The following CATSPER3 variants were observed in gnomAD, a reference collection of about 807,000 sequenced individuals.
CATSPER3 encodes cation channel sperm associated 3.
In CATSPER3, 23 loss-of-function variants were observed where a neutral mutation model predicts 36.6. The ratio of observed to expected loss-of-function variants is 0.63; its 90% CI spans 0.45 to 0.89. The LOEUF (loss-of-function observed/expected upper bound fraction) is 0.89. Among genes scored for constraint, CATSPER3 ranks in the 40% least tolerant of loss-of-function variants. The pLI is 0.00. For synonymous variants in CATSPER3, 172 were observed against 184.1 expected (o/e 0.93, Z 0.53); for missense variants, 474 against 503.9 (o/e 0.94, Z 0.57).
intron 2 of CATSPER3, among the ~76,000 whole-genome samples, chr5:134,988,592 A>G (rs1390056032): frequency 6.6e-6 from 1 of 152,194 alleles, no homozygotes. Flanking sequence ...TTGCTCACCC[A>G]TGAAAAGCAA....
At chr5:135,006,380 A>C (rs1355261475) in intron 3 of CATSPER3, among the ~76,000 whole-genome samples, 5 of 152,176 alleles carry the variant, frequency 3.3e-5, no homozygotes, top group Non-Finnish European at 7.3e-5. Flanking sequence ...ACCCTTCTGC[A>C]CAGGCTTTGG....
intron 2 of CATSPER3, among the ~76,000 whole-genome samples, chr5:134,977,580 C>A (rs921451742): frequency 6.6e-6 from 1 of 152,180 alleles, no homozygotes; most frequent in Admixed American, 6.5e-5. Flanking sequence ...CTAAGAGGTT[C>A]CAAACTTTTC....
chr5:134,994,015 C>T (rs1239153759), intron 2 of CATSPER3, among the ~76,000 whole-genome samples: 2 of 152,114 alleles, frequency 1.3e-5, no homozygotes, highest in Non-Finnish European at 2.9e-5. Flanking sequence ...ATCCCAGCTA[C>T]CTGGGAAGCT....
intron 3 of CATSPER3, among the ~76,000 whole-genome samples, chr5:135,005,348 G>T (rs902533616): frequency 1.3e-5 from 2 of 152,192 alleles, no homozygotes; most frequent in African/African-American, 4.8e-5. Context: ...TGCACCACAG[G>T]TTTGGCCTCA....
chr5:135,009,608 A>AGCAGT, intron 6 of CATSPER3, 118 bp downstream of exon 6: 1 of 753,592 alleles, frequency 1.3e-6, no homozygotes, highest in African/African-American at 1.7e-5. Context: ...AGGCATCTGC[A>AGCAGT]GCCTTAGGTA....
At chr5:134,972,545 T>A (rs968689567) in intron 2 of CATSPER3, among the ~76,000 whole-genome samples, 8 of 152,096 alleles carry the variant, frequency 5.3e-5, no homozygotes, top group Non-Finnish European at 1.0e-4. Flanking sequence ...GATAATAGCT[T>A]AAGAGAAGTA....
At position 134,996,396 on chromosome 5, in the gene CATSPER3, T is replaced by C; in HGVS notation, c.376T>C (p.Phe126Leu). 1 of 1,614,260 alleles carries C rather than the reference T, an allele frequency of 6.2e-7. No individual in the cohort carries two copies. Among genetic ancestry groups the C allele is most frequent in the Non-Finnish European group, 8.5e-7 (1 of 1,180,040 alleles). ...GGATGTGATCATTATCATCGTTATG[T>C]TTTTACCCTATGCCCTCCGCCAGCT... ...LLDVIIIIVM[F>L]LPYALRQLMG... The change falls in exon 3 of 8, where the codon TTT (phenylalanine) becomes CTT (leucine). Residue 126 changes from phenylalanine (F) to leucine (L), a missense_variant. Physicochemically the swap from Phe to Leu is conservative, Grantham distance 22 (BLOSUM62 0). Coordinates refer to ENST00000282611, the MANE Select transcript of CATSPER3 (RefSeq NM_178019.3).
rs781559354 is a variant in CATSPER3 at position 135,008,041 on chromosome 5, A to C, written c.577A>C (p.Ile193Leu). 15 of 1,614,068 alleles carry C rather than the reference A, an allele frequency of 9.3e-6. No homozygotes were observed. The highest frequency in any genetic ancestry group is 1.2e-5 in the Non-Finnish European group (14 of 1,179,958). ...LLFLLMYIFA[I>L]LGFCLFGSPD... ...CTTCCTCCTCATGTACATCTTCGCT[A>C]TCTTGGGCTTCTGCCTGTTTGGATC... The change falls in exon 4 of 8, where the codon ATC (isoleucine) becomes CTC (leucine). Residue 193 changes from isoleucine to leucine, a missense_variant. By Grantham distance (5) the Ile-to-Leu change is conservative. Coordinates refer to ENST00000282611, the MANE Select transcript of CATSPER3 (RefSeq NM_178019.3).
chr5:134,985,403 A>G (rs1282547830), intron 2 of CATSPER3, among the ~76,000 whole-genome samples: 2 of 152,186 alleles, frequency 1.3e-5, no homozygotes, highest in Admixed American at 1.3e-4. Context: ...ACAGAGTGGT[A>G]TAATGGACAT....
chr5:135,001,450 A>G (rs1752019058), intron 3 of CATSPER3, among the ~76,000 whole-genome samples: 1 of 152,242 alleles, frequency 6.6e-6, no homozygotes, highest in Non-Finnish European at 1.5e-5. Context: ...ATAGATGTCT[A>G]TTAGATCTGC....
chr5:135,007,263 A>T (rs968002482), intron 3 of CATSPER3, among the ~76,000 whole-genome samples: 1 of 152,220 alleles, frequency 6.6e-6, no homozygotes, highest in African/African-American at 2.4e-5. Context: ...GGGAAGAATG[A>T]TAACACCTAC....
chr5:134,969,833 C>A, intron 1 of CATSPER3, 106 bp from the exon 2 acceptor site: 1 of 1,132,310 alleles, frequency 8.8e-7, no homozygotes, highest in Non-Finnish European at 1.3e-6. Flanking sequence ...AATTTATATT[C>A]ACACAAGGGA....
chr5:134,994,490 T>TA (rs1751919687), intron 2 of CATSPER3, among the ~76,000 whole-genome samples: 1 of 152,214 alleles, frequency 6.6e-6, no homozygotes, highest in Admixed American at 6.5e-5. Flanking sequence ...AGAAAACAAT[T>TA]TGCCAATATA....
intron 1 of CATSPER3, chr5:134,968,424 G>A (rs866213511): frequency 3.6e-5 from 12 of 337,918 alleles, no homozygotes; most frequent in African/African-American, 2.4e-4. Context: ...GCTGGGCACG[G>A]TGGCTCACAC....
rs182292734 is a variant in CATSPER3, at chr5:135,002,938, C to T, written c.493-5019C>T. 9.5e-3 allele frequency among the ~76,000 whole-genome samples: 1,439 copies of T among 152,250 alleles called. 10 individuals are homozygous for T. Among genetic ancestry groups the T allele is most frequent in the South Asian group, 0.018 (85 of 4,828 alleles). ...TTGGAGAAGTTTGATCGTCTGAAGCCTTCTTCTCTCAACTCATCAAAGTCA... is the reference window on the plus strand; with the variant it reads ...TTGGAGAAGTTTGATCGTCTGAAGCTTTCTTCTCTCAACTCATCAAAGTCA... On this transcript the variant is annotated intron_variant, in intron 3 of 7. Coordinates refer to ENST00000282611, the MANE Select transcript of CATSPER3 (RefSeq NM_178019.3).
chr5:135,009,040 G>A (rs1421281080), intron 5 of CATSPER3, 59 bp downstream of exon 5: 2 of 1,611,882 alleles, frequency 1.2e-6, no homozygotes, highest in Admixed American at 3.3e-5. Context: ...GGAGCTGTAG[G>A]GCAAGTCTCC....
intron 3 of CATSPER3, among the ~76,000 whole-genome samples, chr5:135,004,551 G>A (rs1752061064): frequency 6.6e-6 from 1 of 152,214 alleles, no homozygotes; most frequent in African/African-American, 2.4e-5. Context: ...CCAGAGTGAG[G>A]GCGGGATCTG....
At position 135,010,538 on chromosome 5, in the gene CATSPER3, C is replaced by T. The variant is rs775607943; in HGVS notation, c.1094+8C>T. The T allele has an allele frequency of 1.2e-6, 2 of 1,613,454 alleles. No individual in the cohort carries two copies. The highest frequency in any genetic ancestry group is 2.7e-5 in the African/African-American group (2 of 74,916). ...GGACACAACTGTCCACAAGTCAGTT[C>T]CAGCCCCAGCCTTCCCTGGTCCCTA... On this transcript the variant is annotated splice_region_variant and intron_variant, in intron 7 of 7. Coordinates refer to ENST00000282611, the MANE Select transcript of CATSPER3 (RefSeq NM_178019.3).
At chr5:134,972,288 A>G (rs1751617416) in intron 2 of CATSPER3, among the ~76,000 whole-genome samples, 1 of 152,228 alleles carries the variant, frequency 6.6e-6, no homozygotes, top group Non-Finnish European at 1.5e-5. Flanking sequence ...TTTGAAATCC[A>G]AAACACTTCT....
Sources: gnomAD v4.1 joint callset for allele counts (sites outside exome capture counted in the v4.1 genomes callset) on GRCh38, gnomAD v4.1.1 for gene constraint, MANE v1.5 for transcripts, NCBI Gene and HGNC (gene_info 2026-07-23, HGNC 2026-07-21) for gene names.